HUNK: variants seen among roughly 807,000 people sequenced by gnomAD.
HUNK encodes the protein hormonally up-regulated Neu-associated kinase, also known as hormonally up-regulated neu tumor-associated kinase.
In HUNK, 21 loss-of-function variants were observed where a neutral mutation model predicts 61.0. That is an observed-to-expected ratio of 0.34 (90% CI 0.24 to 0.50). The LOEUF is 0.50. Among genes scored for constraint, HUNK ranks in the 20% least tolerant of loss-of-function variants. The pLI, the probability that HUNK is intolerant of heterozygous loss-of-function variation, is 0.98. For missense variants in HUNK, 772 were observed against 945.7 expected, an observed-to-expected ratio of 0.82 and a Z score of 2.41; for synonymous variants, 371 against 386.1, an observed-to-expected ratio of 0.96 and a Z score of 0.46.
chr21:31,979,815 G>A (rs951560762), intron 7 of HUNK, among the ~76,000 whole-genome samples: 1 of 151,984 alleles, frequency 6.6e-6, no homozygotes, highest in Non-Finnish European at 1.5e-5. Context: ...ACGCCCAGCT[G>A]CATTCTTTAT....
At chr21:31,886,251 G>T (rs1466825401) in intron 1 of HUNK, among the ~76,000 whole-genome samples, 2 of 151,984 alleles carry the variant, frequency 1.3e-5, no homozygotes, top group African/African-American at 4.8e-5. Flanking sequence ...GTGAAACCCT[G>T]TCTCTATGAA....
At chr21:31,956,411 T>C (rs966205041) in intron 4 of HUNK, among the ~76,000 whole-genome samples, 1 of 152,196 alleles carries the variant, frequency 6.6e-6, no homozygotes, top group African/African-American at 2.4e-5. Flanking sequence ...CAAGTCCTCT[T>C]TGTATGCAAA....
chr21:31,965,470 A>T lies in HUNK; in HGVS notation c.875-2780A>T, dbSNP rs773506414. ...AACCTAAAGTAAAAGTTAAAAAAAA[A>T]TTTTTTTTAAAGTACGTTGCTGGAA... On this transcript the variant is annotated intron_variant, in intron 5 of 10. Coordinates refer to ENST00000270112, the MANE Select transcript of HUNK (RefSeq NM_014586.2). Among the ~76,000 whole-genome samples the T allele has an allele frequency of 6.3e-4, 96 of 152,102 alleles. 1 individual carries two copies. The highest frequency in any genetic ancestry group is 7.7e-4 in the East Asian group (4 of 5,186).
chr21:31,892,348 C>T (rs1030091206), intron 1 of HUNK, among the ~76,000 whole-genome samples: 3 of 151,164 alleles, frequency 2.0e-5, no homozygotes, highest in Admixed American at 6.6e-5. Flanking sequence ...GGCAGATCAC[C>T]TGAGATCAGG....
intron 1 of HUNK, among the ~76,000 whole-genome samples, chr21:31,900,851 C>T (rs2052462024): frequency 6.6e-6 from 1 of 152,156 alleles, no homozygotes; most frequent in South Asian, 2.1e-4. Context: ...CTGGGGCTGC[C>T]ATGACAAAGT....
At chr21:31,904,530 A>G (rs78958484) in intron 1 of HUNK, among the ~76,000 whole-genome samples, 4 of 152,150 alleles carry the variant, frequency 2.6e-5, no homozygotes, top group Non-Finnish European at 5.9e-5. Context: ...CTGGGAAAAC[A>G]TGTGACAGAG....
At chr21:31,923,938 C>T (rs78353082) in intron 1 of HUNK, among the ~76,000 whole-genome samples, 5,982 of 152,014 alleles carry the variant, frequency 0.039, 151 homozygotes, top group Middle Eastern at 0.12. Flanking sequence ...CAGGGCGGAG[C>T]GGGGGCGGGC....
chr21:31,899,149 T>G (rs935882274), intron 1 of HUNK, among the ~76,000 whole-genome samples: 1 of 152,192 alleles, frequency 6.6e-6, no homozygotes, highest in Non-Finnish European at 1.5e-5. Flanking sequence ...TGCACTGATT[T>G]TACTTAGATC....
chr21:31,873,155 C>A lies in HUNK; in HGVS notation c.-520C>A, dbSNP rs1351520991. 6.6e-6 allele frequency among the ~76,000 whole-genome samples: 1 copy of A among 152,192 alleles called. No individual in the cohort carries two copies. Among genetic ancestry groups the A allele is most frequent in the Non-Finnish European group, 1.5e-5 (1 of 67,980 alleles). ...TGCCTTCCAGAGGGCGCCGGCAGCC[C>A]GCCGCGCGCTTCTCTCCGGCGGGAG... On this transcript the variant is annotated 5_prime_UTR_variant, in exon 1 of 11. Coordinates refer to ENST00000270112, the MANE Select transcript of HUNK (RefSeq NM_014586.2). The surrounding 1 kb of genome is among the most constrained non-coding windows in gnomAD (Gnocchi z 6.1).
At chr21:31,956,801 A>G (rs962431143) in intron 4 of HUNK, among the ~76,000 whole-genome samples, 2 of 151,206 alleles carry the variant, frequency 1.3e-5, no homozygotes, top group Non-Finnish European at 2.9e-5. Context: ...CCTTTAATCC[A>G]CTTATACAAT....
intron 7 of HUNK, among the ~76,000 whole-genome samples, chr21:31,975,087 A>G (rs908077631): frequency 7.2e-5 from 11 of 151,824 alleles, no homozygotes; most frequent in Non-Finnish European, 1.6e-4. Context: ...CTCGGGTAGC[A>G]GTGCCTCCCG....
chr21:31,989,184 A>G (rs2053154499), intron 8 of HUNK, among the ~76,000 whole-genome samples: 1 of 152,174 alleles, frequency 6.6e-6, no homozygotes, highest in Non-Finnish European at 1.5e-5. Flanking sequence ...TAATAGCCTC[A>G]TTTAAACTTG....
intron 1 of HUNK, among the ~76,000 whole-genome samples, chr21:31,913,131 T>C (rs1223812362): frequency 6.6e-6 from 1 of 152,146 alleles, no homozygotes; most frequent in Non-Finnish European, 1.5e-5. Flanking sequence ...CCATTCCTAC[T>C]TTCATGGAAA....
At chr21:31,878,659 C>T (rs549668941) in intron 1 of HUNK, among the ~76,000 whole-genome samples, 1 of 152,318 alleles carries the variant, frequency 6.6e-6, no homozygotes, top group African/African-American at 2.4e-5. Flanking sequence ...TGCTTGAACC[C>T]TGGTGATGGT....
rs372251708 is a variant in HUNK at position 31,960,490 on chromosome 21, C to T, written c.874+1520C>T. ...AATACAAAGAGATCCAAACAGCCTT[C>T]ATCTGGTGTACTAGTCCATTCTCAT... On this transcript the variant is annotated intron_variant, in intron 5 of 10. Transcript: ENST00000270112. 5.3e-5 allele frequency among the ~76,000 whole-genome samples: 8 copies of T among 151,938 alleles called. No individual in the cohort carries two copies. The East Asian group carries it at 1.5e-3, about 29-fold the overall frequency.
chr21:31,959,660 G>T (rs1473580876), intron 5 of HUNK, among the ~76,000 whole-genome samples: 1 of 152,130 alleles, frequency 6.6e-6, no homozygotes, highest in Non-Finnish European at 1.5e-5. Context: ...CATTTAATTG[G>T]CTCCTTAGAA....
intron 10 of HUNK, 28 bp from the exon 11 acceptor site, chr21:31,998,498 T>C (rs766743510): frequency 5.2e-6 from 8 of 1,548,366 alleles, no homozygotes; most frequent in Admixed American, 1.9e-5. Context: ...GACGTCCTCA[T>C]GATTGTTTAT....
At chr21:31,991,679 A>C (rs2123254220) in intron 9 of HUNK, among the ~76,000 whole-genome samples, 1 of 152,354 alleles carries the variant, frequency 6.6e-6, no homozygotes, top group East Asian at 1.9e-4. Context: ...CTGACAGACC[A>C]AACAGCCTGG....
chr21:31,989,993 T>C, intron 8 of HUNK, 136 bp from the exon 9 acceptor site: 1 of 765,268 alleles, frequency 1.3e-6, no homozygotes, highest in Non-Finnish European at 2.3e-6. Flanking sequence ...CCATGGCAAT[T>C]TCAGGATTTG....
Sources: allele counts gnomAD v4.1 joint callset (sites outside exome capture counted in the v4.1 genomes callset), GRCh38; gene constraint gnomAD v4.1.1; non-coding constraint Gnocchi (gnomAD v3.1); transcripts MANE v1.5; gene names NCBI Gene and HGNC (gene_info 2026-07-23, HGNC 2026-07-21).